NSD3: variants seen among roughly 807,000 people sequenced by gnomAD.
The protein encoded by NSD3 is nuclear receptor binding SET domain protein 3, also known as histone-lysine N-methyltransferase NSD3.
Under a neutral mutation model 160.8 loss-of-function variants are expected in NSD3, and 24 were observed. That is an observed-to-expected ratio of 0.15 (90% confidence interval 0.11 to 0.21). The LOEUF (loss-of-function observed/expected upper bound fraction) is 0.21, where lower values mean the gene tolerates loss of function less well. NSD3 is among the 10% of genes least tolerant of loss of function. The pLI is 1.00. For missense variants in NSD3, 1,157 were observed against 1,735.9 expected (o/e 0.67, Z 5.93); for synonymous variants, 520 against 600.0 (o/e 0.87, Z 1.95).
intron 1 of NSD3, among the ~76,000 whole-genome samples, chr8:38,378,765 T>C (rs1397359579): frequency 3.3e-5 from 5 of 151,242 alleles, no homozygotes; most frequent in South Asian, 4.2e-4. Flanking sequence ...GGAGGTTGTA[T>C]TGAACCGAGA....
chr8:38,276,218 T>C, intron 23 of NSD3, 78 bp downstream of exon 23: 1 of 1,462,192 alleles, frequency 6.8e-7, no homozygotes, highest in Non-Finnish European at 9.4e-7. Context: ...TCCTATCCCA[T>C]GGCATGGAAT....
At chr8:38,348,344 A>G (rs1255122018) in intron 1 of NSD3, 129 bp from the exon 2 acceptor site, 1 of 613,832 alleles carries the variant, frequency 1.6e-6, no homozygotes, top group African/African-American at 1.9e-5. Context: ...TAGACATTAA[A>G]TATTTCTAAA....
intron 16 of NSD3, among the ~76,000 whole-genome samples, chr8:38,293,526 G>T (rs1260671763): frequency 6.6e-6 from 1 of 151,926 alleles, no homozygotes; most frequent in Non-Finnish European, 1.5e-5. Flanking sequence ...CTCCAGCCTG[G>T]CAACAGAGCG....
At position 38,279,521 on chromosome 8, in the gene NSD3, G is replaced by C. The variant is rs777784240; in HGVS notation, c.3760+19C>G. On this transcript the variant is annotated intron_variant, in intron 21 of 23. Transcript: ENST00000317025. ...TTCTTCCTAGGGAGGAAAGCATGGG[G>C]AACGAGTCACTTTTTTACCTGCAGG... 48 of 1,611,974 alleles carry C rather than the reference G, an allele frequency of 3.0e-5. No homozygotes were observed. The highest frequency in any genetic ancestry group is 4.0e-5 in the Non-Finnish European group (47 of 1,178,322).
At chr8:38,296,687 TGTG>T (rs1338843029) in intron 15 of NSD3, among the ~76,000 whole-genome samples, 1 of 149,682 alleles carries the variant, frequency 6.7e-6, no homozygotes, top group African/African-American at 2.5e-5. Flanking sequence ...TGTGTGTGTG[TGTG>T]TGTGTGTGTG....
Position 38,350,262 on chromosome 8 carries a change from C to G in NSD3, c.-44-2047G>C, listed in dbSNP as rs1048031526. On this transcript the variant is annotated intron_variant, in intron 1 of 23. Transcript: ENST00000317025. ...TCTAGATCCCTGAGGAATCGCCACA[C>G]TGTCTTCCACAATGGTTGAACTAGT... Among the ~76,000 whole-genome samples, 5 of 152,322 alleles carry G rather than the reference C, an allele frequency of 3.3e-5. No homozygotes were observed. The South Asian group carries it at 1.0e-3, about 32-fold the overall frequency.
chr8:38,347,934 A>G lies in NSD3; in HGVS notation c.238T>C (p.Tyr80His), dbSNP rs900478823. 7 of 1,614,250 alleles carry G rather than the reference A, an allele frequency of 4.3e-6. No individual in the cohort carries two copies. The highest frequency in any genetic ancestry group is 5.9e-6 in the Non-Finnish European group (7 of 1,180,040). The stretch of plus-strand genomic sequence containing the variant: ...GACTGGTATTTGGTTTGAGTTTCAT[A>G]CACACTGATTGATGATGGATACCCA... Reference protein sequence around the residue: ...TNGYPSSISVYETQTKYQSYN... With the variant: ...TNGYPSSISVHETQTKYQSYN... Residue 80 changes from tyrosine (Y) to histidine (H), a missense_variant, in exon 2 of 24, where the codon TAT becomes CAT. Transcript: ENST00000317025.
At position 38,305,208 on chromosome 8, in the gene NSD3, T is replaced by C; in HGVS notation, c.2440+40A>G. The C allele has an allele frequency of 1.9e-6, 3 of 1,605,344 alleles. 1 individual carries two copies. In the South Asian group the frequency reaches 3.3e-5, roughly 18 times the overall value. ...TTGATAATGTTATTTGCCACTGCCCTTAAAACAAAAATCTTTGTCTCCTTC... is the reference window on the plus strand; with the variant it reads ...TTGATAATGTTATTTGCCACTGCCCCTAAAACAAAAATCTTTGTCTCCTTC... On this transcript the variant is annotated intron_variant, in intron 13 of 23. Transcript: ENST00000317025.
intron 1 of NSD3, among the ~76,000 whole-genome samples, chr8:38,358,121 A>C (rs1312908067): frequency 6.6e-6 from 1 of 152,116 alleles, no homozygotes; most frequent in African/African-American, 2.4e-5. Flanking sequence ...GTAGGTCTGA[A>C]ATTCAGAATG....
At chr8:38,363,016 C>T (rs1027335443) in intron 1 of NSD3, among the ~76,000 whole-genome samples, 5 of 152,142 alleles carry the variant, frequency 3.3e-5, no homozygotes, top group African/African-American at 4.8e-5. Flanking sequence ...GCCAAATGTG[C>T]GCTGATAACT....
intron 16 of NSD3, among the ~76,000 whole-genome samples, chr8:38,291,367 T>C (rs1808993823): frequency 6.6e-6 from 1 of 152,210 alleles, no homozygotes; most frequent in Non-Finnish European, 1.5e-5. Context: ...AGTTAAGAAT[T>C]GAATGATGAA....
rs1209973432 is a variant in NSD3 at position 38,317,151 on chromosome 8, T to C, written c.1856-1109A>G. 4.7e-6 allele frequency: 5 copies of C among 1,063,144 alleles called. No homozygotes were observed. Among genetic ancestry groups the C allele is most frequent in the Non-Finnish European group, 5.7e-6 (5 of 877,910 alleles). The allele number at this position is 1,063,144 out of a possible 1,614,324, so 65.9% of individuals were successfully genotyped here. A position where few individuals can be genotyped will look rare whatever the true frequency, so the allele number is the denominator to read the frequency against. ...GCAACAGGCTGAGTGAGAGTAGCAC[T>C]TGGAACATAGCCACGTTCTGTGGTG... is the stretch of plus-strand genomic sequence containing the variant. On this transcript the variant is annotated intron_variant, in intron 9 of 23. Coordinates refer to ENST00000317025, the MANE Select transcript of NSD3 (RefSeq NM_023034.2). This position sits in a 1 kb window ranked among gnomAD's most constrained non-coding sequence, Gnocchi z 5.3.
At chr8:38,359,462 CCT>C (rs1810905109) in intron 1 of NSD3, among the ~76,000 whole-genome samples, 1 of 152,096 alleles carries the variant, frequency 6.6e-6, no homozygotes, top group South Asian at 2.1e-4. Context: ...TTAACTTCAC[CCT>C]CACCCCACAC....
chr8:38,289,347 G>C, intron 18 of NSD3, 46 bp downstream of exon 18: 3 of 1,508,424 alleles, frequency 2.0e-6, no homozygotes, highest in Non-Finnish European at 2.7e-6. Context: ...GACTTACTTT[G>C]TTTCTTATTT....
rs911418247 is a variant in NSD3, at chr8:38,326,823, C to T, written c.1615G>A (p.Gly539Arg). 1.2e-6 allele frequency: 2 copies of T among 1,613,576 alleles called. No individual in the cohort carries two copies. The highest frequency in any genetic ancestry group is 1.7e-6 in the Non-Finnish European group (2 of 1,179,832). Residue 539 changes from glycine (G) to arginine (R), a missense_variant, in exon 7 of 24, where the codon GGG (glycine) becomes AGG (arginine). By Grantham distance (125) the Gly-to-Arg change is moderately radical. This residue lies in a region of NSD3 where 102 missense variants were observed against 126.5 expected (regional missense o/e 0.81). Coordinates refer to ENST00000317025, the MANE Select transcript of NSD3 (RefSeq NM_023034.2). Reference sequence around the variant, plus strand: ...GTAGAAATTATAAGCCTGTCTTGCCCCCTGACACTTATTTCTGTTTTGTTA... The same window carrying T: ...GTAGAAATTATAAGCCTGTCTTGCCTCCTGACACTTATTTCTGTTTTGTTA... ...IGNKTEISVR[G>R]QDRLIISTPN...
intron 12 of NSD3, among the ~76,000 whole-genome samples, chr8:38,312,786 C>T (rs779358208): frequency 6.6e-6 from 1 of 152,160 alleles, no homozygotes; most frequent in African/African-American, 2.4e-5. Context: ...TGGCACTATC[C>T]TTTCTATACA....
rs1808914361 is a variant in NSD3, at chr8:38,288,320, TC to T, written c.3501+166del. On this transcript the variant is annotated intron_variant, in intron 19 of 23. Transcript: ENST00000317025. The surrounding 1 kb of genome is among the most constrained non-coding windows in gnomAD (Gnocchi z 4.5). ...TAAGCACATTTTATCACTATCTTCT[TC>T]CTACTACTCTTCTTTGCTCAAGAAG... Among the ~76,000 whole-genome samples the T allele has an allele frequency of 6.6e-6, 1 of 152,186 alleles. No homozygotes were observed. Among genetic ancestry groups the T allele is most frequent in the South Asian group, 2.1e-4 (1 of 4,830 alleles).
chr8:38,338,735 A>G (rs1002118626), intron 2 of NSD3, 128 bp from the exon 3 acceptor site: 13 of 738,230 alleles, frequency 1.8e-5, no homozygotes, highest in Admixed American at 1.4e-4. Context: ...TTATTAACTG[A>G]ACAATGTAAG....
chr8:38,298,406 C>A (rs374974627), intron 15 of NSD3, among the ~76,000 whole-genome samples: 1 of 152,156 alleles, frequency 6.6e-6, no homozygotes. Context: ...ATGTTCCAAT[C>A]GACTTGCTTA....
Sources: allele counts gnomAD v4.1 joint callset (sites outside exome capture counted in the v4.1 genomes callset), GRCh38; gene constraint gnomAD v4.1.1; regional missense constraint gnomAD v4.1.1; non-coding constraint Gnocchi (gnomAD v3.1); transcripts MANE v1.5; gene names NCBI Gene and HGNC (gene_info 2026-07-23, HGNC 2026-07-21).